TRIM34: variants seen among roughly 807,000 people sequenced by gnomAD.
TRIM34 encodes E3 ubiquitin-protein ligase TRIM34.
Under a neutral mutation model 38.1 loss-of-function variants are expected in TRIM34, and 41 were observed. The ratio of observed to expected loss-of-function variants is 1.08; its 90% CI spans 0.84 to 1.40. TRIM34 has a LOEUF of 1.40. TRIM34 is among the 40% of genes most tolerant of loss of function. The probability of loss-of-function intolerance (pLI) is 0.00; values close to 1 mark genes in which losing one functional copy is unlikely to be tolerated. For missense variants in TRIM34, 556 were observed against 571.4 expected (o/e 0.97, Z 0.27); for synonymous variants, 200 against 202.5 (o/e 0.99, Z 0.10).
chr11:5,637,292 G>A (rs1355778693), intron 4 of TRIM34, among the ~76,000 whole-genome samples: 1 of 152,154 alleles, frequency 6.6e-6, no homozygotes, highest in East Asian at 1.9e-4. Flanking sequence ...CGGGATGGAT[G>A]GTGTTATCAT....
At position 5,644,029 on chromosome 11, in the gene TRIM34, T is replaced by A. The variant is rs1385818159; in HGVS notation, c.*320T>A. 1 of 456,276 alleles carries A rather than the reference T, an allele frequency of 2.2e-6. No individual in the cohort carries two copies. Among genetic ancestry groups the A allele is most frequent in the East Asian group, 3.3e-5 (1 of 30,120 alleles). 28.3% of individuals were successfully genotyped at this position (456,276 alleles called of 1,614,324 possible). On this transcript the variant is annotated 3_prime_UTR_variant, in exon 8 of 8. Transcript: ENST00000429814. ...CCCAAAGCCTGTTAGCCACCATCCA[T>A]GCTACCTAGGTAGTCCATAGGAACC...
chr11:5,638,048 G>C lies in TRIM34; in HGVS notation c.751-3119G>C, dbSNP rs1009977219. Among the ~76,000 whole-genome samples, 3 of 152,156 alleles carry C rather than the reference G, an allele frequency of 2.0e-5. No individual in the cohort carries two copies. The South Asian group carries it at 6.2e-4, about 31-fold the overall frequency. ...TGAGAAAATCAGCACTATCAAGAAT[G>C]AATGAGTTAATTATATGTAAATCAG... On this transcript the variant is annotated intron_variant, in intron 4 of 7. Transcript: ENST00000429814.
chr11:5,631,044 G>A (rs1339241440), intron 1 of TRIM34, among the ~76,000 whole-genome samples: 2 of 152,194 alleles, frequency 1.3e-5, no homozygotes, highest in African/African-American at 4.8e-5. Context: ...TCTCTCTCAT[G>A]GCCAACAGCC....
At chr11:5,634,472 A>G (rs1181455881) in intron 3 of TRIM34, among the ~76,000 whole-genome samples, 159 bp from the exon 4 acceptor site, 3 of 147,406 alleles carry the variant, frequency 2.0e-5, no homozygotes, top group Non-Finnish European at 4.5e-5. Flanking sequence ...ATACAAATAT[A>G]TATATACAGA....
rs1256834126 is a variant in TRIM34, at chr11:5,643,211, G to T, written c.969G>T (p.Val323=). The T allele has an allele frequency of 6.2e-7, 1 of 1,612,862 alleles. No homozygotes were observed. ...TCCTTTCAGAAGATCAGAGACAAGT[G>T]ATATCTGTGCCAATTTGGCCTTTTC... The part of the protein sequence containing the change: ...NLVLSEDQRQ[V]ISVPIWPFQC... Residue 323 remains valine, a synonymous_variant, in exon 8 of 8, where the codon GTG becomes GTT. Transcript: ENST00000429814.
intron 5 of TRIM34, 163 bp downstream of exon 5, chr11:5,641,352 C>A (rs865873415): frequency 6.8e-7 from 1 of 1,465,432 alleles, no homozygotes; most frequent in Non-Finnish European, 9.1e-7. Flanking sequence ...TTTGAGTGTT[C>A]CGTAACTATT....
Position 5,643,878 on chromosome 11 carries a change from T to C in TRIM34, c.*169T>C. ...TTGAGTTATGAGAGATGCTTATTTA[T>C]TCATTTACTCTTTTTCATATTTTCA... On this transcript the variant is annotated 3_prime_UTR_variant, in exon 8 of 8. Transcript: ENST00000429814. 1.2e-6 allele frequency: 1 copy of C among 862,080 alleles called. No homozygotes were observed. Among genetic ancestry groups the C allele is most frequent in the South Asian group, 2.1e-5 (1 of 47,682 alleles). 53.4% of individuals were successfully genotyped at this position (862,080 alleles called of 1,614,324 possible). A position where few individuals can be genotyped will look rare whatever the true frequency, so the allele number is the denominator to read the frequency against.
chr11:5,626,309 A>G (rs1849228193), intron 1 of TRIM34, among the ~76,000 whole-genome samples: 1 of 152,246 alleles, frequency 6.6e-6, no homozygotes, highest in Admixed American at 6.5e-5. Context: ...ATCATAGACC[A>G]TATCGATGAA....
intron 1 of TRIM34, among the ~76,000 whole-genome samples, chr11:5,627,367 C>G (rs1021246150): frequency 6.6e-6 from 1 of 151,550 alleles, no homozygotes; most frequent in African/African-American, 2.4e-5. Flanking sequence ...GTAACAAGAG[C>G]AAAACTCCGT....
rs376708057 is a variant in TRIM34 at position 5,632,692 on chromosome 11, C to T, written c.361C>T (p.Arg121Trp). The T allele has an allele frequency of 1.1e-5, 18 of 1,611,988 alleles. No homozygotes were observed. Among genetic ancestry groups the T allele is most frequent in the African/African-American group, 2.7e-5 (2 of 74,218 alleles). ...GAAAGTCATTTGCTGGCTTTGTGAG[C>T]GGTCTCAGGAGCACCGTGGTCACCA... ...DRKVICWLCE[R>W]SQEHRGHHTV... Residue 121 changes from arginine to tryptophan, a missense_variant, in exon 2 of 8, where the codon CGG becomes TGG. Physicochemically the swap from Arg to Trp is moderately radical, Grantham distance 101. Transcript: ENST00000429814.
At chr11:5,627,436 C>T (rs1849295164) in intron 1 of TRIM34, among the ~76,000 whole-genome samples, 1 of 152,026 alleles carries the variant, frequency 6.6e-6, no homozygotes, top group Non-Finnish European at 1.5e-5. Context: ...GAACAATTTC[C>T]TGAATTCAGG....
chr11:5,642,759 G>C, intron 6 of TRIM34, 58 bp from the exon 7 acceptor site: 1 of 1,606,526 alleles, frequency 6.2e-7, no homozygotes, highest in Non-Finnish European at 8.5e-7. Flanking sequence ...GAATATATAG[G>C]TATCAGTGCT....
At chr11:5,634,496 C>CACACACACACACAA in intron 3 of TRIM34, 135 bp from the exon 4 acceptor site, 3 of 166,224 alleles carry the variant, frequency 1.8e-5, no homozygotes, top group Non-Finnish European at 1.2e-5. Context: ...TATAAATACA[C>CACACACACACACAA]ACACACACAC....
chr11:5,637,875 G>T lies in TRIM34; in HGVS notation c.750+3014G>T, dbSNP rs1170221738. Among the ~76,000 whole-genome samples, 5 of 152,166 alleles carry T rather than the reference G, an allele frequency of 3.3e-5. No homozygotes were observed. In the East Asian group the frequency reaches 9.6e-4, roughly 29 times the overall value. ...TCCTACAGGTTTCTTATAAGGGTCT[G>T]TTGCATAATGCTAGGGTTTGGGCTA... On this transcript the variant is annotated intron_variant, in intron 4 of 7. Coordinates refer to ENST00000429814, the MANE Select transcript of TRIM34 (RefSeq NM_021616.6).
At chr11:5,622,368 C>A (rs569089057), upstream of TRIM34, among the ~76,000 whole-genome samples, 187 of 151,964 alleles carry the variant, frequency 1.2e-3, 3 homozygotes, top group South Asian at 0.035. Context: ...TGGCGTGAAC[C>A]CGGCAGGCGG....
chr11:5,621,102 G>A (rs74548215), upstream of TRIM34, among the ~76,000 whole-genome samples: 303 of 152,302 alleles, frequency 2.0e-3, 1 homozygote, highest in African/African-American at 6.9e-3. Flanking sequence ...CATAGCAACT[G>A]GAGGAAATTC....
In TRIM34 at chr11:5,633,146, CTT is replaced by C. The variant is rs142147714; in HGVS notation, c.423+410_423+411del. On this transcript the variant is annotated intron_variant, in intron 2 of 7. Coordinates refer to ENST00000429814, the MANE Select transcript of TRIM34 (RefSeq NM_021616.6). ...AGCCACCATGCCCGGCCTTTTCTTT[CTT>C]TTTTTTTTTTTTTTTTTGTGAGCAA... 8.8e-3 allele frequency among the ~76,000 whole-genome samples: 945 copies of C among 106,788 alleles called. 7 individuals carry two copies. The highest frequency in any genetic ancestry group is 0.028 in the African/African-American group (817 of 28,804). The allele number at this position is 106,788 out of a possible 152,430, so 70.1% of individuals were successfully genotyped here.
upstream of TRIM34, among the ~76,000 whole-genome samples, chr11:5,621,992 A>C (rs773597990): frequency 2.0e-5 from 3 of 152,180 alleles, no homozygotes; most frequent in Non-Finnish European, 4.4e-5. Context: ...TCAGGGACAC[A>C]TGTCTTCAGC....
At chr11:5,630,852 T>C (rs1045942618) in intron 1 of TRIM34, among the ~76,000 whole-genome samples, 1 of 152,240 alleles carries the variant, frequency 6.6e-6, no homozygotes, top group African/African-American at 2.4e-5. Flanking sequence ...ATACCATCTG[T>C]TCATTACTCA....
Sources: allele counts gnomAD v4.1 joint callset (sites outside exome capture counted in the v4.1 genomes callset), GRCh38; gene constraint gnomAD v4.1.1; transcripts MANE v1.5; gene names NCBI Gene and HGNC (gene_info 2026-07-23, HGNC 2026-07-21).